Variants in STK39 observed in about 807,000 individuals in gnomAD.
The protein encoded by STK39 is serine/threonine kinase 39, also known as STE20/SPS1-related proline-alanine-rich protein kinase.
In STK39, 20 loss-of-function variants were observed where a neutral mutation model predicts 77.8. The ratio of observed to expected loss-of-function variants is 0.26; its 90% CI spans 0.18 to 0.37. The LOEUF is 0.37. STK39 is among the 10% of genes least tolerant of loss of function. The probability of loss-of-function intolerance (pLI) is 1.00; values close to 1 mark genes in which losing one functional copy is unlikely to be tolerated. For missense variants in STK39, 479 were observed against 656.5 expected (o/e 0.73, Z 2.95); for synonymous variants, 246 against 234.1 (o/e 1.05, Z -0.47).
chr2:168,006,495 C>G (rs965777756), intron 16 of STK39, among the ~76,000 whole-genome samples: 6 of 152,092 alleles, frequency 3.9e-5, no homozygotes, highest in Admixed American at 3.3e-4. Context: ...GTTTTTTCAC[C>G]AGAAAGCAAA....
intron 1 of STK39, among the ~76,000 whole-genome samples, chr2:168,195,788 C>T (rs577269305): frequency 2.4e-4 from 36 of 152,096 alleles, no homozygotes; most frequent in African/African-American, 8.0e-4. Flanking sequence ...AGGCCTAGGT[C>T]GGTAGATCAT....
At chr2:168,006,411 T>C (rs750342182) in intron 16 of STK39, among the ~76,000 whole-genome samples, 5 of 152,220 alleles carry the variant, frequency 3.3e-5, no homozygotes, top group Non-Finnish European at 1.5e-5. Context: ...TGTTTTCTTT[T>C]GTACATATGA....
At chr2:168,103,657 C>G (rs575531599) in intron 10 of STK39, among the ~76,000 whole-genome samples, 19 of 152,296 alleles carry the variant, frequency 1.2e-4, no homozygotes, top group African/African-American at 4.6e-4. Context: ...ATCTCTTTAA[C>G]ATTTTTTTTC....
chr2:168,222,835 T>C (rs1690208993), intron 1 of STK39, among the ~76,000 whole-genome samples: 1 of 152,120 alleles, frequency 6.6e-6, no homozygotes, highest in Non-Finnish European at 1.5e-5. Flanking sequence ...ACACATTGAG[T>C]TCTTTCCATG....
intron 16 of STK39, among the ~76,000 whole-genome samples, chr2:167,999,905 G>GA (rs1683952483): frequency 1.3e-5 from 2 of 152,210 alleles, no homozygotes; most frequent in South Asian, 4.1e-4. Context: ...AGTGCCCTGT[G>GA]ACCTTCTGGA....
intron 1 of STK39, among the ~76,000 whole-genome samples, chr2:168,222,164 C>T (rs1690189394): frequency 6.6e-6 from 1 of 152,162 alleles, no homozygotes; most frequent in Non-Finnish European, 1.5e-5. Context: ...ATGAGCGAAA[C>T]CCTACAGTGT....
intron 16 of STK39, among the ~76,000 whole-genome samples, chr2:167,982,572 G>C (rs1683448808): frequency 6.6e-6 from 1 of 152,214 alleles, no homozygotes; most frequent in Non-Finnish European, 1.5e-5. Flanking sequence ...AAATGGCCTA[G>C]TTTGGATGAT....
chr2:168,000,786 G>T (rs2105296937), intron 16 of STK39, among the ~76,000 whole-genome samples: 1 of 152,290 alleles, frequency 6.6e-6, no homozygotes, highest in South Asian at 2.1e-4. Flanking sequence ...CCATGAACGT[G>T]ACTTTCTAAA....
intron 10 of STK39, among the ~76,000 whole-genome samples, chr2:168,082,722 T>A (rs11693995): frequency 9.2e-5 from 14 of 152,016 alleles, no homozygotes; most frequent in Non-Finnish European, 1.3e-4. Flanking sequence ...ATGGCCTCCC[T>A]GACCTCATCT....
At chr2:168,063,469 A>C in intron 14 of STK39, 31 bp downstream of exon 14, 1 of 1,578,784 alleles carries the variant, frequency 6.3e-7, no homozygotes, top group Non-Finnish European at 8.6e-7. Context: ...TATAGGAAAA[A>C]CAATGCAGAA....
rs901651047 is a variant in STK39 at position 168,050,764 on chromosome 2, C to T, written c.1376+12736G>A. Among the ~76,000 whole-genome samples the T allele has an allele frequency of 7.9e-5, 12 of 152,310 alleles. No individual in the cohort carries two copies. In the South Asian group the frequency reaches 2.5e-3, roughly 32 times the overall value. ...CTGACCTACAGACTGGAATACAATA[C>T]ATCTGTGCTGCTTTAAGCCACTAAG... On this transcript the variant is annotated intron_variant, in intron 14 of 17. Coordinates refer to ENST00000355999, the MANE Select transcript of STK39 (RefSeq NM_013233.3).
chr2:168,105,309 C>T (rs376281333), intron 10 of STK39, among the ~76,000 whole-genome samples: 3 of 152,192 alleles, frequency 2.0e-5, no homozygotes, highest in Non-Finnish European at 2.9e-5. Flanking sequence ...TCACTGGGAA[C>T]AAAAGGCCTG....
chr2:168,079,197 C>T (rs1343438081), intron 10 of STK39, among the ~76,000 whole-genome samples: 3 of 152,160 alleles, frequency 2.0e-5, no homozygotes, highest in Non-Finnish European at 4.4e-5. Flanking sequence ...CACTGCTCCT[C>T]TCTGACCACC....
intron 15 of STK39, among the ~76,000 whole-genome samples, chr2:168,016,431 G>T (rs1446940391): frequency 1.4e-5 from 2 of 144,676 alleles, no homozygotes; most frequent in African/African-American, 5.2e-5. Context: ...ACTGAACATG[G>T]GTGAAATAAG....
chr2:168,129,751 C>A lies in STK39; in HGVS notation c.982G>T (p.Ala328Ser). Residue 328 changes from alanine to serine, a missense_variant, in exon 9 of 18, where the codon GCA becomes TCA. Physicochemically the swap from Ala to Ser is moderately conservative, Grantham distance 99. Coordinates refer to ENST00000355999, the MANE Select transcript of STK39 (RefSeq NM_013233.3). ...LQKDPSKRPT[A>S]AELLKCKFFQ... ...AATTTGCATTTTAAAAGTTCTGCTGCTGTGGGCCTGAAAGATCAATAATAA... is the reference window on the plus strand; with the variant it reads ...AATTTGCATTTTAAAAGTTCTGCTGATGTGGGCCTGAAAGATCAATAATAA... The A allele has an allele frequency of 6.2e-7, 1 of 1,613,770 alleles. No homozygotes were observed. The highest frequency in any genetic ancestry group is 8.5e-7 in the Non-Finnish European group (1 of 1,179,946).
At chr2:168,051,888 C>G in intron 14 of STK39, among the ~76,000 whole-genome samples, 1 of 152,140 alleles carries the variant, frequency 6.6e-6, no homozygotes, top group East Asian at 1.9e-4. Flanking sequence ...CTCAGAGAGA[C>G]AGCCATGGTA....
At chr2:167,955,591 C>A (rs1352066877) in intron 17 of STK39, 21 bp from the exon 18 acceptor site, 2 of 1,610,208 alleles carry the variant, frequency 1.2e-6, no homozygotes, top group East Asian at 4.5e-5. Flanking sequence ...AAAAAGAAAG[C>A]CTCAATGCTG....
intron 1 of STK39, among the ~76,000 whole-genome samples, chr2:168,204,788 C>T (rs1689700051): frequency 6.6e-6 from 1 of 152,146 alleles, no homozygotes; most frequent in Admixed American, 6.5e-5. Flanking sequence ...ATCTCAAATG[C>T]TAATAATGCA....
chr2:168,081,785 A>G (rs1445052647), intron 10 of STK39, among the ~76,000 whole-genome samples: 1 of 152,108 alleles, frequency 6.6e-6, no homozygotes, highest in East Asian at 1.9e-4. Flanking sequence ...AGTCTTTCCT[A>G]CACTGTCCTC....
Sources: gnomAD v4.1 joint callset for allele counts (sites outside exome capture counted in the v4.1 genomes callset) on GRCh38, gnomAD v4.1.1 for gene constraint, MANE v1.5 for transcripts, NCBI Gene and HGNC (gene_info 2026-07-23, HGNC 2026-07-21) for gene names.